The following UMODL1 variants were observed in gnomAD, a reference collection of about 807,000 sequenced individuals.
UMODL1 encodes uromodulin like 1.
A neutral mutation model predicts 136.3 loss-of-function variants in UMODL1; 128 were observed. The ratio of observed to expected loss-of-function variants is 0.94; its 90% CI spans 0.81 to 1.09. The LOEUF (loss-of-function observed/expected upper bound fraction) is 1.09, where lower values mean the gene tolerates loss of function less well. Among genes scored for constraint, UMODL1 ranks in the 50% least tolerant of loss-of-function variants. The probability of loss-of-function intolerance (pLI) is 0.00; values close to 1 mark genes in which losing one functional copy is unlikely to be tolerated. For synonymous variants in UMODL1, 721 were observed against 720.0 expected (o/e 1.00, Z -0.02); for missense variants, 1,766 against 1,725.6 (o/e 1.02, Z -0.41).
chr21:42,141,265 C>T (rs974197617), intron 22 of UMODL1, among the ~76,000 whole-genome samples: 4 of 152,298 alleles, frequency 2.6e-5, no homozygotes, highest in South Asian at 2.1e-4. Flanking sequence ...AAACACCACC[C>T]GCCTGTGGAT....
Position 42,122,662 on chromosome 21 carries a change from C to T in UMODL1, c.2828-169C>T, listed in dbSNP as rs915918958. On this transcript the variant is annotated intron_variant, in intron 16 of 22. Transcript: ENST00000408910. This position sits in a 1 kb window ranked among gnomAD's most constrained non-coding sequence, Gnocchi z 4.3. ...GTGTACGTGTGTGTGCATATGTGTGCGTGTGTGTGTGTGTGTGTGCACGTG... is the reference window on the plus strand; with the variant it reads ...GTGTACGTGTGTGTGCATATGTGTGTGTGTGTGTGTGTGTGTGTGCACGTG... Among the ~76,000 whole-genome samples the T allele has an allele frequency of 1.1e-3, 172 of 150,376 alleles. 1 individual carries two copies. The highest frequency in any genetic ancestry group is 3.4e-3 in the Middle Eastern group (1 of 294).
In UMODL1 at chr21:42,099,186, G is replaced by T. The variant is rs774600842; in HGVS notation, c.1186+6G>T. 6.8e-6 allele frequency: 11 copies of T among 1,609,244 alleles called. No individual in the cohort carries two copies. The highest frequency in any genetic ancestry group is 1.1e-5 in the South Asian group (1 of 90,934). ...CACGCTGACCATCAAAACCAGTAAG[G>T]CCCCCAGTCAGAGACCCACGTTAGC... On this transcript the variant is annotated splice_donor_region_variant and intron_variant, in intron 7 of 22. Transcript: ENST00000408910. The surrounding 1 kb of genome is among the most constrained non-coding windows in gnomAD (Gnocchi z 4.1).
intron 2 of UMODL1, 136 bp downstream of exon 2, chr21:42,076,383 A>G: frequency 1.4e-6 from 2 of 1,401,744 alleles, no homozygotes; most frequent in South Asian, 1.3e-5. Flanking sequence ...TTGACCAGGC[A>G]GCAGGTCATC....
At chr21:42,106,555 C>T (rs892907220) in intron 9 of UMODL1, among the ~76,000 whole-genome samples, 4 of 152,154 alleles carry the variant, frequency 2.6e-5, no homozygotes, top group African/African-American at 9.7e-5. Context: ...CTTAGGCCGT[C>T]CATCCCGGGG....
At chr21:42,088,115 G>A (rs747079078) in intron 4 of UMODL1, among the ~76,000 whole-genome samples, 179 bp from the exon 5 acceptor site, 17 of 152,202 alleles carry the variant, frequency 1.1e-4, no homozygotes, top group South Asian at 4.1e-4. Flanking sequence ...TGATAGTTCC[G>A]GTTTGTAGGA....
intron 21 of UMODL1, among the ~76,000 whole-genome samples, chr21:42,131,918 T>C (rs1265797241): frequency 6.6e-6 from 1 of 152,234 alleles, no homozygotes; most frequent in East Asian, 1.9e-4. Flanking sequence ...AGCATATGTG[T>C]GAAATATGTT....
rs181489967 is a variant in UMODL1, at chr21:42,133,514, G to A, written c.3775+3717G>A. 1.8e-3 allele frequency among the ~76,000 whole-genome samples: 278 copies of A among 152,262 alleles called. 1 individual carries two copies. Among genetic ancestry groups the A allele is most frequent in the African/African-American group, 6.4e-3 (267 of 41,562 alleles). On this transcript the variant is annotated intron_variant, in intron 21 of 22. Transcript: ENST00000408910. ...CTCACATCACACTCACGATGTCTTG[G>A]CACCACCACAACAAAGTCCCACAGC...
At chr21:42,107,346 G>A (rs528700395) in intron 9 of UMODL1, among the ~76,000 whole-genome samples, 10 of 152,316 alleles carry the variant, frequency 6.6e-5, no homozygotes, top group Admixed American at 2.6e-4. Context: ...AATCAACGCC[G>A]CTTTTCCTGG....
At chr21:42,117,292 T>A (rs2066913047) in intron 14 of UMODL1, among the ~76,000 whole-genome samples, 1 of 152,250 alleles carries the variant, frequency 6.6e-6, no homozygotes, top group African/African-American at 2.4e-5. Context: ...GATTCCTTGT[T>A]ATGGCTGGGG....
Position 42,098,973 on chromosome 21 carries a change from A to G in UMODL1, c.979A>G (p.Ser327Gly), listed in dbSNP as rs955009585. ...CGTGGTCCTCAACGTCACCAGTGAC[A>G]GTTTTCAAGTATCCTGGCGTTTAAA... ...DYVVLNVTSD[S>G]FQVSWRLNST... Residue 327 changes from serine to glycine, a missense_variant, in exon 7 of 23, where the codon AGT becomes GGT. Transcript: ENST00000408910. The G allele has an allele frequency of 2.5e-6, 4 of 1,614,186 alleles. No individual in the cohort carries two copies. The Admixed American group carries it at 5.0e-5, about 20-fold the overall frequency.
At position 42,088,397 on chromosome 21, in the gene UMODL1, G is replaced by A. The variant is rs201081633; in HGVS notation, c.707G>A (p.Arg236Gln). The A allele has an allele frequency of 3.6e-5, 58 of 1,613,968 alleles. No individual in the cohort carries two copies. In the African/African-American group the frequency reaches 5.1e-4, roughly 14 times the overall value. Residue 236 changes from arginine (R) to glutamine (Q), a missense_variant, in exon 5 of 23, where the codon CGG becomes CAG. Arg to Gln is a conservative substitution (Grantham distance 43, BLOSUM62 1). Coordinates refer to ENST00000408910, the MANE Select transcript of UMODL1 (RefSeq NM_001004416.3). ...TCGCGGCTGCTACTGGGCCTGCCAC[G>A]GCCACTGCCTGTGGCTGACGTCTCC... is the stretch of plus-strand genomic sequence containing the variant. The part of the protein sequence containing the change: ...TVSRLLLGLP[R>Q]PLPVADVSTL...
chr21:42,137,933 G>A (rs186779939), intron 22 of UMODL1, among the ~76,000 whole-genome samples: 126 of 152,238 alleles, frequency 8.3e-4, no homozygotes, highest in African/African-American at 2.9e-3. Context: ...TTTACGGAGC[G>A]TGCAGCCTCC....
chr21:42,109,640 C>CCTGCCAGTGCCGTA lies in UMODL1; in HGVS notation c.1600_1613dup (p.Thr539AlafsTer23). The CCTGCCAGTGCCGTA allele has an allele frequency of 1.9e-6, 3 of 1,609,838 alleles. No homozygotes were observed. The highest frequency in any genetic ancestry group is 2.5e-6 in the Non-Finnish European group (3 of 1,179,996). On this transcript the variant is annotated frameshift_variant, in exon 10 of 23. Coordinates refer to ENST00000408910, the MANE Select transcript of UMODL1 (RefSeq NM_001004416.3). LOFTEE classifies it high-confidence loss of function. Reference sequence around the variant, plus strand: ...TGCATCAACCTGGAGGGCTCCTACACCTGCCAGTGCCGTACCACCAGGGAC... The same window carrying CCTGCCAGTGCCGTA: ...TGCATCAACCTGGAGGGCTCCTACACCTGCCAGTGCCGTACTGCCAGTGCCGTACCACCAGGGAC...
intron 6 of UMODL1, among the ~76,000 whole-genome samples, chr21:42,097,476 C>T (rs1190768348): frequency 2.6e-5 from 4 of 152,122 alleles, no homozygotes; most frequent in Non-Finnish European, 5.9e-5. Flanking sequence ...CTCTCAGCAG[C>T]CAAGGCGCAA....
intron 17 of UMODL1, among the ~76,000 whole-genome samples, chr21:42,125,835 C>T (rs924230537): frequency 1.3e-5 from 2 of 152,222 alleles, no homozygotes; most frequent in African/African-American, 4.8e-5. Context: ...CTCAGATCGC[C>T]ACCCACACAG....
At chr21:42,137,361 G>C (rs1289631418) in intron 21 of UMODL1, 78 bp from the exon 22 acceptor site, 27 of 1,557,462 alleles carry the variant, frequency 1.7e-5, no homozygotes, top group Admixed American at 3.4e-5. Context: ...ATCAGCCCCG[G>C]ATCCGGGTGG....
chr21:42,101,316 A>C (rs1404898306), intron 7 of UMODL1, among the ~76,000 whole-genome samples: 1 of 152,092 alleles, frequency 6.6e-6, no homozygotes, highest in African/African-American at 2.4e-5. Context: ...ATCGGAGGCC[A>C]CATGGAGTGC....
At chr21:42,121,021 C>G (rs1202060138) in intron 15 of UMODL1, 66 bp from the exon 16 acceptor site, 13 of 1,556,374 alleles carry the variant, frequency 8.4e-6, no homozygotes, top group Non-Finnish European at 1.1e-5. Context: ...CTCCCCCAAC[C>G]AGGCTGCTGT....
chr21:42,109,609 G>A lies in UMODL1; in HGVS notation c.1567G>A (p.Ala523Thr). ...CGCGGAACACGACTGCTCACCGGCT[G>A]CCTGGTGCATCAACCTGGAGGGCTC... ...DSAEHDCSPA[A>T]WCINLEGSYT... Residue 523 changes from alanine to threonine, a missense_variant, in exon 10 of 23, where the codon GCC becomes ACC. Coordinates refer to ENST00000408910, the MANE Select transcript of UMODL1 (RefSeq NM_001004416.3). 2 of 1,611,342 alleles carry A rather than the reference G, an allele frequency of 1.2e-6. No individual in the cohort carries two copies. The highest frequency in any genetic ancestry group is 2.2e-5 in the South Asian group (2 of 91,076).
Sources: gnomAD v4.1 joint callset for allele counts (sites outside exome capture counted in the v4.1 genomes callset) on GRCh38, gnomAD v4.1.1 for gene constraint, Gnocchi (gnomAD v3.1) non-coding constraint, MANE v1.5 for transcripts, NCBI Gene and HGNC (gene_info 2026-07-23, HGNC 2026-07-21) for gene names.